The following SPRTN variants were observed in gnomAD, a reference collection of about 807,000 sequenced individuals.
SPRTN encodes SprT-like N-terminal domain.
SPRTN carries 11 observed loss-of-function variants against 31.9 expected under a neutral mutation model. That is an observed-to-expected ratio of 0.34 (90% CI 0.22 to 0.57). SPRTN has a LOEUF of 0.57. SPRTN is among the 20% of genes least tolerant of loss of function. The pLI, the probability that SPRTN is intolerant of heterozygous loss-of-function variation, is 0.86. For missense variants in SPRTN, 482 were observed against 590.1 expected, an observed-to-expected ratio of 0.82 and a Z score of 1.90; for synonymous variants, 185 against 212.1, an observed-to-expected ratio of 0.87 and a Z score of 1.11.
rs1687336133 is a variant in SPRTN, at chr1:231,354,507, TC to T, written c.*1148del. ...CACCCGGATCAAGTTAGAGAACACT[TC>T]CATTGCCACAGAAGGCTTCCTATAG... On this transcript the variant is annotated 3_prime_UTR_variant, in exon 5 of 5. Transcript: ENST00000295050. 1 of 520,678 alleles carries T rather than the reference TC, an allele frequency of 1.9e-6. No homozygotes were observed. Among genetic ancestry groups the T allele is most frequent in the African/African-American group, 2.1e-5 (1 of 48,462 alleles). 32.3% of individuals were successfully genotyped at this position (520,678 alleles called of 1,614,324 possible). A position where few individuals can be genotyped will look rare whatever the true frequency, so the allele number is the denominator to read the frequency against.
Position 231,338,499 on chromosome 1 carries a change from T to G in SPRTN, c.116T>G (p.Val39Gly), listed in dbSNP as rs761300354. The change falls in exon 1 of 5, where the codon GTG becomes GGG. Residue 39 changes from valine to glycine, a missense_variant. Val to Gly is a moderately radical substitution (Grantham distance 109). Around this residue, in one of 2 missense-constraint regions of SPRTN, gnomAD observed 157 missense variants for 239.9 expected, o/e 0.65. Coordinates refer to ENST00000295050, the MANE Select transcript of SPRTN (RefSeq NM_032018.7). ...LSLVDASWEL[V>G]DPTPDLQALF... ...CTAGTGGACGCGTCGTGGGAGTTGG[T>G]GGACCCCACACCGGACTTGCAGGCA... The G allele has an allele frequency of 1.5e-5, 25 of 1,614,122 alleles. No homozygotes were observed. The highest frequency in any genetic ancestry group is 4.4e-5 in the South Asian group (4 of 91,094).
At chr1:231,351,205 TAAAAAAAAAA>T (rs35814914) in intron 3 of SPRTN, 89 bp from the exon 4 acceptor site, 76 of 974,788 alleles carry the variant, frequency 7.8e-5, no homozygotes, top group Middle Eastern at 4.3e-4. Flanking sequence ...TTTCAAAAAT[TAAAAAAAAAA>T]AAAAAAAAAA....
At position 231,352,625 on chromosome 1, in the gene SPRTN, G is replaced by A. The variant is rs771260408; in HGVS notation, c.734G>A (p.Gly245Asp). ...AAENKDKPNR[G>D]EAQLVIPFSG... ...TTTTTGGCAGATAAACCCAACAGAGGTGAGGCCCAGCTAGTAATCCCTTTT... is the reference window on the plus strand; with the variant it reads ...TTTTTGGCAGATAAACCCAACAGAGATGAGGCCCAGCTAGTAATCCCTTTT... The change falls in exon 5 of 5, where the codon GGT becomes GAT. Residue 245 changes from glycine to aspartate, a missense_variant. Around this residue, in one of 2 missense-constraint regions of SPRTN, gnomAD observed 325 missense variants for 350.2 expected, o/e 0.93. Transcript: ENST00000295050. The A allele has an allele frequency of 3.8e-6, 6 of 1,588,732 alleles. No homozygotes were observed. Among genetic ancestry groups the A allele is most frequent in the African/African-American group, 1.4e-5 (1 of 73,648 alleles).
In SPRTN at chr1:231,352,583, T is replaced by A. The variant is rs1687270806; in HGVS notation, c.719-27T>A. 2.6e-6 allele frequency: 4 copies of A among 1,537,902 alleles called. No homozygotes were observed. The African/African-American group carries it at 5.6e-5, about 21-fold the overall frequency. On this transcript the variant is annotated intron_variant, in intron 4 of 4. Coordinates refer to ENST00000295050, the MANE Select transcript of SPRTN (RefSeq NM_032018.7). The stretch of plus-strand genomic sequence containing the variant: ...TTTCTTTTGAGTTGAGGCACTTACA[T>A]AACAATCTTCTTTGCTTTTTTGGCA...
At chr1:231,349,470 T>C (rs545121345) in intron 3 of SPRTN, among the ~76,000 whole-genome samples, 5 of 152,246 alleles carry the variant, frequency 3.3e-5, no homozygotes, top group Non-Finnish European at 5.9e-5. Context: ...CCAGAACTTA[T>C]ACTTTAAGCA....
At position 231,352,779 on chromosome 1, in the gene SPRTN, T is replaced by G; in HGVS notation, c.888T>G (p.Pro296=). ...ACCATTCAGCAAATGCTGTAAGACC[T>G]AATTCTAAAATCAAGGTGAAATTTG... is the stretch of plus-strand genomic sequence containing the variant. The part of the protein sequence containing the change: ...NQNHSANAVR[P]NSKIKVKFEQ... Residue 296 remains proline (P), a synonymous_variant, in exon 5 of 5, where the codon CCT becomes CCG. Coordinates refer to ENST00000295050, the MANE Select transcript of SPRTN (RefSeq NM_032018.7). 1 of 1,613,888 alleles carries G rather than the reference T, an allele frequency of 6.2e-7. No homozygotes were observed. The highest frequency in any genetic ancestry group is 2.2e-5 in the East Asian group (1 of 44,874).
At position 231,354,070 on chromosome 1, in the gene SPRTN, T is replaced by A. The variant is rs1687321572; in HGVS notation, c.*709T>A. On this transcript the variant is annotated 3_prime_UTR_variant, in exon 5 of 5. Transcript: ENST00000295050. ...AAATTTTATATTGAGTTTAGCTGTT[T>A]TCTCAAAATTTAGCAGAGTGGTTAA... The A allele has an allele frequency of 1.0e-6, 1 of 980,262 alleles. No individual in the cohort carries two copies. Among genetic ancestry groups the A allele is most frequent in the Non-Finnish European group, 1.2e-6 (1 of 825,380 alleles). 60.7% of individuals were successfully genotyped at this position (980,262 alleles called of 1,614,324 possible). A position where few individuals can be genotyped will look rare whatever the true frequency, so the allele number is the denominator to read the frequency against.
Position 231,352,837 on chromosome 1 carries a change from G to C in SPRTN, c.946G>C (p.Val316Leu), listed in dbSNP as rs1687280992. Residue 316 changes from valine (V) to leucine (L), a missense_variant, in exon 5 of 5, where the codon GTC (valine) becomes CTC (leucine). Transcript: ENST00000295050. ...TGGTTCAAGTAAAAATTCTCATCTG[G>C]TCTCCCCTGCTGTTAGTAACAGTCA... The part of the protein sequence containing the change: ...QNGSSKNSHL[V>L]SPAVSNSHQN... The C allele has an allele frequency of 3.1e-6, 5 of 1,613,804 alleles. No individual in the cohort carries two copies. The highest frequency in any genetic ancestry group is 4.2e-6 in the Non-Finnish European group (5 of 1,179,906).
At chr1:231,345,269 A>G (rs1687021622) in intron 2 of SPRTN, among the ~76,000 whole-genome samples, 1 of 151,882 alleles carries the variant, frequency 6.6e-6, no homozygotes, top group South Asian at 2.1e-4. Flanking sequence ...CTGGGATTAC[A>G]GGCGCCCGCC....
intron 2 of SPRTN, among the ~76,000 whole-genome samples, chr1:231,341,724 C>T (rs4486439): frequency 0.54 from 82,377 of 152,082 alleles, 23,331 homozygotes; most frequent in Non-Finnish European, 0.63. Flanking sequence ...CGGTGGCTCA[C>T]GCCCATAATC....
rs1572004214 is a variant in SPRTN, at chr1:231,353,621, T to C, written c.*260T>C. On this transcript the variant is annotated 3_prime_UTR_variant, in exon 5 of 5. Coordinates refer to ENST00000295050, the MANE Select transcript of SPRTN (RefSeq NM_032018.7). ...GTCGTGTATAAGTTTTAGATACTTT[T>C]GTTCTTTCTTGCTCTTAAGGATTTT... 9.0e-7 allele frequency: 1 copy of C among 1,116,122 alleles called. No individual in the cohort carries two copies. 69.1% of individuals were successfully genotyped at this position (1,116,122 alleles called of 1,614,324 possible). A position where few individuals can be genotyped will look rare whatever the true frequency, so the allele number is the denominator to read the frequency against.
At position 231,347,799 on chromosome 1, in the gene SPRTN, C is replaced by T; in HGVS notation, c.324C>T (p.Thr108=). ...AATTTGAATATTTTATGTTCCAGACCCTCCTGCATGAAATGATACATGCCT... is the reference window on the plus strand; with the variant it reads ...AATTTGAATATTTTATGTTCCAGACTCTCCTGCATGAAATGATACATGCCT... ...KLRPRKDLVE[T]LLHEMIHAYL... is the part of the protein sequence containing the mutation. Residue 108 remains threonine (T), a splice_region_variant and synonymous_variant, in exon 3 of 5, where the codon ACC becomes ACT. Transcript: ENST00000295050. The T allele has an allele frequency of 6.2e-7, 1 of 1,605,330 alleles. No individual in the cohort carries two copies. The highest frequency in any genetic ancestry group is 8.5e-7 in the Non-Finnish European group (1 of 1,177,782).
Position 231,353,492 on chromosome 1 carries a change from C to G in SPRTN, c.*131C>G. The G allele has an allele frequency of 7.1e-7, 1 of 1,412,954 alleles. No individual in the cohort carries two copies. Among genetic ancestry groups the G allele is most frequent in the Non-Finnish European group, 9.2e-7 (1 of 1,091,676 alleles). The allele number at this position is 1,412,954 out of a possible 1,614,324, so 87.5% of individuals were successfully genotyped here. A position where few individuals can be genotyped will look rare whatever the true frequency, so the allele number is the denominator to read the frequency against. On this transcript the variant is annotated 3_prime_UTR_variant, in exon 5 of 5. Transcript: ENST00000295050. Reference sequence around the variant, plus strand: ...GTTCACATAACCAATAGAAAGTGTCCTATTTTATATATACGCATATAAGAT... The same window carrying G: ...GTTCACATAACCAATAGAAAGTGTCGTATTTTATATATACGCATATAAGAT...
At position 231,354,422 on chromosome 1, in the gene SPRTN, G is replaced by A. The variant is rs1687334228; in HGVS notation, c.*1061G>A. The A allele has an allele frequency of 2.0e-6, 2 of 981,562 alleles. No homozygotes were observed. The highest frequency in any genetic ancestry group is 4.7e-5 in the South Asian group (1 of 21,200). The allele number at this position is 981,562 out of a possible 1,614,324, so 60.8% of individuals were successfully genotyped here. On this transcript the variant is annotated 3_prime_UTR_variant, in exon 5 of 5. Transcript: ENST00000295050. ...TTTCCTTCACTTTGTTGTAATACAG[G>A]TGCACAAATCTTAAGTGCACAGCTG...
chr1:231,350,089 C>T (rs1463966810), intron 3 of SPRTN, among the ~76,000 whole-genome samples: 3 of 152,254 alleles, frequency 2.0e-5, no homozygotes, highest in East Asian at 3.9e-4. Flanking sequence ...TAATAGAGTG[C>T]GTGGTTTCCC....
intron 2 of SPRTN, among the ~76,000 whole-genome samples, chr1:231,340,985 T>A (rs1006758471): frequency 2.0e-5 from 3 of 152,112 alleles, no homozygotes; most frequent in African/African-American, 7.2e-5. Context: ...ATGGGTAAGT[T>A]GGGGAATTTT....
intron 2 of SPRTN, chr1:231,344,719 G>C (rs1483665162): frequency 9.3e-6 from 3 of 323,476 alleles, no homozygotes; most frequent in Non-Finnish European, 2.0e-5. Context: ...AAAAAGGTAT[G>C]TCTTTGAAGA....
intron 2 of SPRTN, among the ~76,000 whole-genome samples, chr1:231,346,700 T>C (rs1342512450): frequency 6.6e-6 from 1 of 152,226 alleles, no homozygotes; most frequent in Non-Finnish European, 1.5e-5. Flanking sequence ...CCCAGCACTT[T>C]GGGAGGCTGA....
chr1:231,339,673 A>G (rs1686803562), intron 1 of SPRTN, 96 bp from the exon 2 acceptor site: 6 of 1,207,852 alleles, frequency 5.0e-6, no homozygotes, highest in South Asian at 1.2e-5. Flanking sequence ...CATGAAAGCC[A>G]TCTGCCAACT....
Sources: allele counts gnomAD v4.1 joint callset (sites outside exome capture counted in the v4.1 genomes callset), GRCh38; gene constraint gnomAD v4.1.1; regional missense constraint gnomAD v4.1.1; transcripts MANE v1.5; gene names NCBI Gene and HGNC (gene_info 2026-07-23, HGNC 2026-07-21).